Variants in PHF19 observed in about 807,000 individuals in gnomAD.
The protein encoded by PHF19 is PHD finger protein 19.
In PHF19, 21 loss-of-function variants were observed where a neutral mutation model predicts 79.8. That is an observed-to-expected ratio of 0.26 (90% CI 0.19 to 0.38). PHF19 has a LOEUF of 0.38. Among genes scored for constraint, PHF19 ranks in the 10% least tolerant of loss-of-function variants. The pLI is 1.00. For missense variants in PHF19, 445 were observed against 744.2 expected (o/e 0.60, Z 4.68); for synonymous variants, 273 against 296.3 (o/e 0.92, Z 0.81).
chr9:120,859,210 T>C (rs1351552141), intron 14 of PHF19, among the ~76,000 whole-genome samples: 1 of 147,652 alleles, frequency 6.8e-6, no homozygotes, highest in South Asian at 2.1e-4. Context: ...GACAGACCTC[T>C]ACAGGCATTA....
At chr9:120,871,893 C>T (rs1260572067) in intron 3 of PHF19, among the ~76,000 whole-genome samples, 1 of 151,804 alleles carries the variant, frequency 6.6e-6, no homozygotes, top group Non-Finnish European at 1.5e-5. Flanking sequence ...CAAAAATTAG[C>T]TAGGCGTGGT....
chr9:120,897,835 C>T (rs2046414500), upstream of PHF19, among the ~76,000 whole-genome samples: 1 of 151,624 alleles, frequency 6.6e-6, no homozygotes, highest in South Asian at 2.1e-4. Context: ...AAAAATGAGC[C>T]GGGTGTGGTG....
intron 1 of PHF19, among the ~76,000 whole-genome samples, chr9:120,893,020 TTCC>T (rs1398529952): frequency 1.3e-5 from 2 of 152,200 alleles, no homozygotes; most frequent in African/African-American, 4.8e-5. Context: ...TAGCCTCAGT[TTCC>T]TCGTCTGTAC....
chr9:120,876,451 C>CCCCCCCGGGCGGGGGCCCCCGGGTGGCGG lies in PHF19; in HGVS notation c.-16+639_-16+640insCCGCCACCCGGGGGCCCCCGCCCGGGGGG, dbSNP rs1340642041. 21 of 150,932 alleles carry CCCCCCCGGGCGGGGGCCCCCGGGTGGCGG rather than the reference C, an allele frequency of 1.4e-4. 1 individual carries two copies. The highest frequency in any genetic ancestry group is 3.9e-4 in the African/African-American group (16 of 41,050). The allele number at this position is 150,932 out of a possible 1,614,324, so 9.3% of individuals were successfully genotyped here. On this transcript the variant is annotated intron_variant, in intron 1 of 14. Coordinates refer to ENST00000373896, the MANE Select transcript of PHF19 (RefSeq NM_015651.3). ...GCCGGGCGGGGGCCCCCGGGTGGCG[C>CCCCCCCGGGCGGGGGCCCCCGGGTGGCGG]CCCCCCAGCCCCCGCCTCCGTCCTC...
intron 1 of PHF19, among the ~76,000 whole-genome samples, chr9:120,890,625 T>C (rs2046329884): frequency 6.6e-6 from 1 of 152,122 alleles, no homozygotes; most frequent in Non-Finnish European, 1.5e-5. Context: ...AAACATGTCT[T>C]TAACACACGC....
chr9:120,894,865 A>G, exon 1 of PHF19: 1 of 1,145,092 alleles, frequency 8.7e-7, no homozygotes, highest in Non-Finnish European at 1.1e-6. Context: ...GGAGGCTTTG[A>G]TGAATGAATG....
chr9:120,899,481 G>A (rs2046424002), upstream of PHF19, among the ~76,000 whole-genome samples: 1 of 148,192 alleles, frequency 6.7e-6, no homozygotes, highest in South Asian at 2.1e-4. Flanking sequence ...GGGCGACAGA[G>A]CAAGACTCCG....
intron 10 of PHF19, among the ~76,000 whole-genome samples, chr9:120,863,676 A>G (rs1399649766): frequency 2.0e-5 from 3 of 152,068 alleles, no homozygotes; most frequent in Admixed American, 2.0e-4. Flanking sequence ...TGTGCTGAGA[A>G]CCCTGGATGG....
chr9:120,876,593 C>A (rs2046064915), intron 1 of PHF19, among the ~76,000 whole-genome samples: 1 of 152,216 alleles, frequency 6.6e-6, no homozygotes. Flanking sequence ...GAGCGCGGGG[C>A]CGGGCGGGGG....
In PHF19 at chr9:120,874,648, T is replaced by C. The variant is rs1276649415; in HGVS notation, c.94A>G (p.Asn32Asp). 2 of 1,613,940 alleles carry C rather than the reference T, an allele frequency of 1.2e-6. No individual in the cohort carries two copies. The highest frequency in any genetic ancestry group is 3.3e-5 in the Admixed American group (2 of 60,028). Residue 32 changes from asparagine to aspartate, a missense_variant, in exon 2 of 15, where the codon AAC becomes GAC. Asn to Asp is a conservative substitution (Grantham distance 23). Transcript: ENST00000373896. The surrounding 1 kb of genome is among the most constrained non-coding windows in gnomAD (Gnocchi z 4.5). ...AGTTTGGACATCAAGTCTTTGAAGT[T>C]GTTCTTGACCTTCGCCAGGGCCCCC... ...NKGALAKVKN[N>D]FKDLMSKLTE...
intron 10 of PHF19, among the ~76,000 whole-genome samples, chr9:120,863,596 A>T (rs1025579652): frequency 6.6e-6 from 1 of 152,180 alleles, no homozygotes; most frequent in African/African-American, 2.4e-5. Context: ...TGGTCTTAAA[A>T]GGCCTTGAGT....
At chr9:120,872,785 C>T (rs998552265) in intron 3 of PHF19, among the ~76,000 whole-genome samples, 1 of 151,498 alleles carries the variant, frequency 6.6e-6, no homozygotes. Context: ...CTCAGCCTCC[C>T]GGGTAGCTGT....
chr9:120,887,606 A>G (rs1403252218), intron 1 of PHF19, among the ~76,000 whole-genome samples: 2 of 150,620 alleles, frequency 1.3e-5, no homozygotes, highest in Non-Finnish European at 2.9e-5. Context: ...TCTTAAATAC[A>G]TCTGTTTATG....
At chr9:120,902,772 T>C in the PHF19 span, 1 of 152,264 alleles carries the variant, frequency 6.6e-6, no homozygotes, top group African/African-American at 2.4e-5. Context: ...TCTCCTACTC[T>C]CAATCATAAT....
chr9:120,871,181 G>A (rs952425067), intron 3 of PHF19, among the ~76,000 whole-genome samples: 3 of 152,134 alleles, frequency 2.0e-5, no homozygotes, highest in East Asian at 1.9e-4. Context: ...GGGATTACAC[G>A]CGTGAGCCAC....
chr9:120,861,809 G>T (rs1362094655), intron 12 of PHF19, 109 bp downstream of exon 12: 2 of 795,760 alleles, frequency 2.5e-6, no homozygotes, highest in Admixed American at 1.7e-5. Context: ...TTCTTTAAGG[G>T]ACATGAGAGA....
rs1354821772 is a variant in PHF19, at chr9:120,869,805, A to G, written c.465+40T>C. 6.2e-7 allele frequency: 1 copy of G among 1,611,996 alleles called. No individual in the cohort carries two copies. ...AGTCTCTGGTCTGCCCCACTGGAGG[A>G]GGCAGGAGAGGCAGGGACTGGGGAG... On this transcript the variant is annotated intron_variant, in intron 5 of 14. Coordinates refer to ENST00000373896, the MANE Select transcript of PHF19 (RefSeq NM_015651.3). The surrounding 1 kb of genome is among the most constrained non-coding windows in gnomAD (Gnocchi z 5.8).
chr9:120,876,277 T>C (rs2046047701), intron 1 of PHF19: 1 of 152,238 alleles, frequency 6.6e-6, no homozygotes, highest in African/African-American at 2.4e-5. Context: ...CCCTGTCCTC[T>C]CCCTGCCACC....
Position 120,862,013 on chromosome 9 carries a change from G to A in PHF19, c.1131-8C>T, listed in dbSNP as rs770792574. ...AATTCGTGAGGCAACAAACTGTGGA[G>A]ACAGAAGAGGGAGAAGGTGGCCCCG... On this transcript the variant is annotated splice_polypyrimidine_tract_variant and splice_region_variant and intron_variant, in intron 11 of 14. Transcript: ENST00000373896. This position sits in a 1 kb window ranked among gnomAD's most constrained non-coding sequence, Gnocchi z 4.6. 1.2e-6 allele frequency: 2 copies of A among 1,608,180 alleles called. No homozygotes were observed. The highest frequency in any genetic ancestry group is 1.7e-6 in the Non-Finnish European group (2 of 1,174,546).
Sources: allele counts gnomAD v4.1 joint callset (sites outside exome capture counted in the v4.1 genomes callset), GRCh38; gene constraint gnomAD v4.1.1; non-coding constraint Gnocchi (gnomAD v3.1); transcripts MANE v1.5; gene names NCBI Gene and HGNC (gene_info 2026-07-23, HGNC 2026-07-21).